The following HK2 variants were observed in gnomAD, a reference collection of about 807,000 sequenced individuals.
The protein encoded by HK2 is hexokinase-2.
A neutral mutation model predicts 92.9 loss-of-function variants in HK2; 42 were observed. That is an observed-to-expected ratio of 0.45 (90% CI 0.35 to 0.58). The LOEUF (loss-of-function observed/expected upper bound fraction) is 0.58. Ranked by LOEUF, HK2 falls within the 20% of genes least tolerant of loss-of-function variation. The probability of loss-of-function intolerance (pLI) is 0.00; values close to 1 mark genes in which losing one functional copy is unlikely to be tolerated. For missense variants in HK2, 978 were observed against 1,245.1 expected, an observed-to-expected ratio of 0.79 and a Z score of 3.23; for synonymous variants, 422 against 468.0, an observed-to-expected ratio of 0.90 and a Z score of 1.27.
At position 74,834,455 on chromosome 2, in the gene HK2, G is replaced by A. The variant is rs1031878160; in HGVS notation, c.-126G>A. ...TCGCCGGTAGCCTTCTTTGTGCGCCGTCCGGACTCCCAGCTCCCGGCCCGG... is the reference window on the plus strand; with the variant it reads ...TCGCCGGTAGCCTTCTTTGTGCGCCATCCGGACTCCCAGCTCCCGGCCCGG... On this transcript the variant is annotated 5_prime_UTR_variant, in exon 1 of 18. Transcript: ENST00000290573. The surrounding 1 kb of genome is among the most constrained non-coding windows in gnomAD (Gnocchi z 4.2). The A allele has an allele frequency of 2.6e-5, 24 of 920,910 alleles. No homozygotes were observed. The highest frequency in any genetic ancestry group is 2.6e-5 in the East Asian group (1 of 38,292). The allele number at this position is 920,910 out of a possible 1,614,324, so 57.0% of individuals were successfully genotyped here. A position where few individuals can be genotyped will look rare whatever the true frequency, so the allele number is the denominator to read the frequency against.
intron 3 of HK2, among the ~76,000 whole-genome samples, 198 bp from the exon 4 acceptor site, chr2:74,872,102 C>T (rs1377836308): frequency 1.3e-5 from 2 of 152,186 alleles, no homozygotes; most frequent in Admixed American, 1.3e-4. Flanking sequence ...TATGTATTGA[C>T]TCATGTACTC....
At chr2:74,869,388 C>CT (rs1488732637) in intron 3 of HK2, among the ~76,000 whole-genome samples, 2 of 152,130 alleles carry the variant, frequency 1.3e-5, no homozygotes, top group Non-Finnish European at 1.5e-5. Flanking sequence ...TATTTTCCCC[C>CT]TTTTTTGGTA....
Position 74,880,276 on chromosome 2 carries a change from G to C in HK2, c.1277G>C (p.Arg426Pro). The change falls in exon 10 of 18, where the codon CGT becomes CCT. Residue 426 changes from arginine (R) to proline (P), a missense_variant. Transcript: ENST00000290573. ...CTGGGGAACTGCAGTTTTGCCAAGC[G>C]TCTACATAAGACCGTGCGGCGGCTG... is the stretch of plus-strand genomic sequence containing the variant. Reference protein sequence around the residue: ...VYKKHPHFAKRLHKTVRRLVP... With the variant: ...VYKKHPHFAKPLHKTVRRLVP... 4 of 1,614,124 alleles carry C rather than the reference G, an allele frequency of 2.5e-6. No individual in the cohort carries two copies. Among genetic ancestry groups the C allele is most frequent in the Non-Finnish European group, 3.4e-6 (4 of 1,180,026 alleles).
intron 1 of HK2, among the ~76,000 whole-genome samples, chr2:74,849,829 G>T (rs1380530066): frequency 6.6e-6 from 1 of 152,128 alleles, no homozygotes; most frequent in Admixed American, 6.6e-5. Context: ...CTCTAATGTC[G>T]CACACCTGTA....
At position 74,874,422 on chromosome 2, in the gene HK2, T is replaced by A; in HGVS notation, c.848T>A (p.Met283Lys). 6.2e-7 allele frequency: 1 copy of A among 1,609,640 alleles called. No homozygotes were observed. Among genetic ancestry groups the A allele is most frequent in the East Asian group, 2.2e-5 (1 of 44,740 alleles). The change falls in exon 7 of 18, where the codon ATG becomes AAG. Residue 283 changes from methionine (M) to lysine (K), a missense_variant. Physicochemically the swap from Met to Lys is moderately conservative, Grantham distance 95. This residue lies in a region of HK2 where 742 missense variants were observed against 922.5 expected (regional missense o/e 0.80). Transcript: ENST00000290573. The stretch of plus-strand genomic sequence containing the variant: ...ACTGAGTTTGACCAGGAGATTGACA[T>A]GGGCTCACTGAACCCGGGAAAGCAA... ...IRTEFDQEID[M>K]GSLNPGKQLF... is the part of the protein sequence containing the mutation.
At chr2:74,848,400 G>A (rs1489632808) in intron 1 of HK2, among the ~76,000 whole-genome samples, 1 of 152,202 alleles carries the variant, frequency 6.6e-6, no homozygotes, top group African/African-American at 2.4e-5. Context: ...CATTTTAAGT[G>A]TACAATTTAG....
At chr2:74,843,859 A>C (rs1352218492) in intron 1 of HK2, among the ~76,000 whole-genome samples, 1 of 151,878 alleles carries the variant, frequency 6.6e-6, no homozygotes, top group Non-Finnish European at 1.5e-5. Context: ...TTCCTCCCAA[A>C]CTTTTCTGTC....
At chr2:74,847,257 T>A (rs528669556) in intron 1 of HK2, among the ~76,000 whole-genome samples, 1 of 152,256 alleles carries the variant, frequency 6.6e-6, no homozygotes, top group Admixed American at 6.5e-5. Context: ...ACACAAGTGA[T>A]GAACATTTGC....
At chr2:74,873,758 G>A (rs1689157598) in intron 5 of HK2, 86 bp from the exon 6 acceptor site, 12 of 832,196 alleles carry the variant, frequency 1.4e-5, no homozygotes, top group Non-Finnish European at 1.7e-5. Context: ...GGAGGAGGAG[G>A]AGGAGGAGGA....
intron 17 of HK2, 26 bp downstream of exon 17, chr2:74,889,504 T>G: frequency 1.4e-6 from 2 of 1,397,814 alleles, no homozygotes; most frequent in Admixed American, 1.9e-5. Flanking sequence ...CAGCCCCCCC[T>G]GCCTACCTTC....
intron 4 of HK2, among the ~76,000 whole-genome samples, chr2:74,872,982 T>C (rs1689133976): frequency 6.6e-6 from 1 of 152,226 alleles, no homozygotes; most frequent in Non-Finnish European, 1.5e-5. Context: ...CACAGTGATA[T>C]CTGTGTATCT....
chr2:74,836,936 G>A (rs1008634166), intron 1 of HK2, among the ~76,000 whole-genome samples: 9 of 152,140 alleles, frequency 5.9e-5, no homozygotes, highest in African/African-American at 1.9e-4. Flanking sequence ...GACGTGGAAG[G>A]CTTGGGTTCA....
intron 3 of HK2, among the ~76,000 whole-genome samples, chr2:74,870,001 C>CTTTTT (rs66946936): frequency 6.3e-4 from 77 of 121,440 alleles, no homozygotes; most frequent in Non-Finnish European, 7.7e-4. Context: ...CTTTTCTTTT[C>CTTTTT]TTTTTTTTTT....
chr2:74,863,078 G>T (rs774783592), intron 2 of HK2, among the ~76,000 whole-genome samples: 11 of 152,186 alleles, frequency 7.2e-5, no homozygotes, highest in Non-Finnish European at 1.5e-4. Flanking sequence ...TTGAAGAGTG[G>T]TTTCACATCT....
chr2:74,840,722 A>G (rs1360747569), intron 1 of HK2, among the ~76,000 whole-genome samples: 1 of 150,562 alleles, frequency 6.6e-6, no homozygotes, highest in Non-Finnish European at 1.5e-5. Context: ...AAAAAAAAAA[A>G]AAAAAAATTA....
At chr2:74,874,190 G>C in intron 6 of HK2, 76 bp from the exon 7 acceptor site, 7 of 1,578,148 alleles carry the variant, frequency 4.4e-6, no homozygotes, top group East Asian at 2.2e-5. Flanking sequence ...GCAGTCTCGG[G>C]ACAGTAGTAT....
chr2:74,835,914 A>C (rs555989251), intron 1 of HK2, among the ~76,000 whole-genome samples: 1 of 152,308 alleles, frequency 6.6e-6, no homozygotes, highest in East Asian at 1.9e-4. Context: ...TCCCGAGGGC[A>C]TAGGAGGCAT....
At position 74,886,522 on chromosome 2, in the gene HK2, A is replaced by T. The variant is rs1558805863; in HGVS notation, c.2068A>T (p.Met690Leu). The T allele has an allele frequency of 6.2e-7, 1 of 1,613,840 alleles. No homozygotes were observed. The change falls in exon 15 of 18, where the codon ATG becomes TTG. Residue 690 changes from methionine (M) to leucine (L), a missense_variant. Met to Leu is a conservative substitution (Grantham distance 15). Coordinates refer to ENST00000290573, the MANE Select transcript of HK2 (RefSeq NM_000189.5). ...CAGCAATGCCTGCTACATGGAGGAG[A>T]TGCGCAACGTGGAACTGGTGGAAGG... ...TGSNACYMEE[M>L]RNVELVEGEE...
intron 2 of HK2, among the ~76,000 whole-genome samples, chr2:74,866,505 G>A (rs547404812): frequency 4.6e-5 from 7 of 152,290 alleles, no homozygotes; most frequent in East Asian, 1.9e-4. Context: ...CAGGTTCCGC[G>A]CCTCTTCAGC....
Sources: allele counts gnomAD v4.1 joint callset (sites outside exome capture counted in the v4.1 genomes callset), GRCh38; gene constraint gnomAD v4.1.1; regional missense constraint gnomAD v4.1.1; non-coding constraint Gnocchi (gnomAD v3.1); transcripts MANE v1.5; gene names NCBI Gene and HGNC (gene_info 2026-07-23, HGNC 2026-07-21).